Variants in THADA observed in about 807,000 individuals in gnomAD.
THADA encodes THADA armadillo repeat containing.
Under a neutral mutation model 219.8 loss-of-function variants are expected in THADA, and 213 were observed. The ratio of observed to expected loss-of-function variants is 0.97; its 90% confidence interval spans 0.87 to 1.09. THADA has a LOEUF of 1.09. THADA is among the 50% of genes least tolerant of loss of function. The pLI is 0.00. For synonymous variants in THADA, 1,018 were observed against 828.9 expected, an observed-to-expected ratio of 1.23 and a Z score of -3.92; for missense variants, 2,956 against 2,311.3, an observed-to-expected ratio of 1.28 and a Z score of -5.72.
chr2:43,428,211 C>A lies in THADA; in HGVS notation c.3947G>T (p.Arg1316Leu), dbSNP rs200421057. The A allele has an allele frequency of 1.4e-5, 22 of 1,600,694 alleles. No homozygotes were observed. In the East Asian group the frequency reaches 4.7e-4, roughly 34 times the overall value. Residue 1316 changes from arginine to leucine, a missense_variant, in exon 28 of 38, where the codon CGT (arginine) becomes CTT (leucine). Transcript: ENST00000405975. ...AAGTAAGAGAAACATGCTTGGATGA[C>A]GATTTGGTTCTCCCATATCACTGAA... ...TVDSDMGEPNRHPSMFLLLLV... is the reference protein window; with the variant it reads ...TVDSDMGEPNLHPSMFLLLLV...
intron 21 of THADA, among the ~76,000 whole-genome samples, chr2:43,536,543 TCTTAA>T (rs1182326890): frequency 1.3e-5 from 2 of 152,172 alleles, no homozygotes; most frequent in South Asian, 2.1e-4. Flanking sequence ...CATATCCTGC[TCTTAA>T]CTTTTCATAA....
intron 25 of THADA, among the ~76,000 whole-genome samples, chr2:43,488,481 G>C (rs1278956467): frequency 6.6e-6 from 1 of 151,962 alleles, no homozygotes; most frequent in African/African-American, 2.4e-5. Context: ...TGTTCTCAAG[G>C]TTCCCCCATG....
intron 15 of THADA, among the ~76,000 whole-genome samples, chr2:43,561,732 C>CT (rs201237134): frequency 6.6e-5 from 10 of 151,634 alleles, no homozygotes; most frequent in African/African-American, 9.7e-5. Flanking sequence ...AATCTCACTG[C>CT]TTTTTATTTT....
chr2:43,276,224 G>A (rs1672709863), intron 36 of THADA, among the ~76,000 whole-genome samples: 1 of 152,166 alleles, frequency 6.6e-6, no homozygotes, highest in East Asian at 1.9e-4. Flanking sequence ...TACAGAGTGG[G>A]GAGGGAGGGG....
chr2:43,394,937 T>G (rs75525422), intron 29 of THADA, among the ~76,000 whole-genome samples: 766 of 152,364 alleles, frequency 5.0e-3, no homozygotes, highest in Non-Finnish European at 8.6e-3. Flanking sequence ...CCCAGGGTTC[T>G]AGGGTTTTAA....
intron 25 of THADA, among the ~76,000 whole-genome samples, chr2:43,487,334 A>T (rs1444748869): frequency 6.6e-6 from 1 of 152,200 alleles, no homozygotes; most frequent in Non-Finnish European, 1.5e-5. Context: ...GCCCTAAGCC[A>T]TACTTTCTGA....
At chr2:43,554,625 T>C (rs1199234649) in intron 17 of THADA, among the ~76,000 whole-genome samples, 1 of 152,160 alleles carries the variant, frequency 6.6e-6, no homozygotes, top group Admixed American at 6.5e-5. Flanking sequence ...TTTTATATTA[T>C]ATAAATTTTT....
At chr2:43,292,708 C>T (rs983725561) in intron 32 of THADA, 126 bp downstream of exon 32, 18 of 1,215,242 alleles carry the variant, frequency 1.5e-5, no homozygotes, top group East Asian at 4.7e-5. Context: ...CACTGGCTGC[C>T]GAATCTACTT....
At chr2:43,532,064 T>C (rs1318578420) in intron 21 of THADA, among the ~76,000 whole-genome samples, 6 of 151,744 alleles carry the variant, frequency 4.0e-5, no homozygotes, top group Non-Finnish European at 7.4e-5. Context: ...CTGAATTCTG[T>C]TCTGGAGCCC....
intron 17 of THADA, among the ~76,000 whole-genome samples, chr2:43,553,812 T>A (rs1697026457): frequency 2.0e-5 from 3 of 152,228 alleles, no homozygotes; most frequent in African/African-American, 7.2e-5. Context: ...ATAGTCATCC[T>A]ATGGGATGTG....
intron 32 of THADA, 52 bp from the exon 33 acceptor site, chr2:43,292,274 T>A: frequency 8.9e-7 from 1 of 1,125,458 alleles, no homozygotes; most frequent in Admixed American, 2.6e-5. Flanking sequence ...CTCAGGGAGA[T>A]GTCTCTAGAT....
chr2:43,356,820 T>G (rs948602048), intron 29 of THADA, among the ~76,000 whole-genome samples: 1 of 152,216 alleles, frequency 6.6e-6, no homozygotes, highest in Non-Finnish European at 1.5e-5. Flanking sequence ...AATTACTCAC[T>G]AATGGGATGT....
intron 36 of THADA, among the ~76,000 whole-genome samples, chr2:43,236,488 G>C: frequency 6.6e-6 from 1 of 152,178 alleles, no homozygotes; most frequent in East Asian, 1.9e-4. Context: ...ATGCAGGCCA[G>C]CTAGGCTCTT....
chr2:43,572,497 G>A (rs986250893), intron 12 of THADA, among the ~76,000 whole-genome samples: 3 of 152,124 alleles, frequency 2.0e-5, no homozygotes, highest in African/African-American at 7.2e-5. Flanking sequence ...AGCACCACCT[G>A]CTCTGATCAG....
At chr2:43,368,612 G>C (rs559869493) in intron 29 of THADA, among the ~76,000 whole-genome samples, 1 of 151,442 alleles carries the variant, frequency 6.6e-6, no homozygotes, top group African/African-American at 2.4e-5. Context: ...TTCCCAGGTT[G>C]GTCTGGAACT....
At chr2:43,391,160 A>G (rs149903211) in intron 29 of THADA, among the ~76,000 whole-genome samples, 4 of 152,238 alleles carry the variant, frequency 2.6e-5, no homozygotes, top group Non-Finnish European at 4.4e-5. Context: ...ACTCACACAC[A>G]TACATCACAT....
intron 20 of THADA, among the ~76,000 whole-genome samples, chr2:43,547,452 C>T (rs1019647486): frequency 1.3e-5 from 2 of 152,202 alleles, no homozygotes; most frequent in African/African-American, 4.8e-5. Context: ...GGATAATATC[C>T]TGCAGTGTTT....
chr2:43,407,256 AC>A (rs1409209530), intron 28 of THADA, among the ~76,000 whole-genome samples: 2 of 152,210 alleles, frequency 1.3e-5, no homozygotes, highest in African/African-American at 4.8e-5. Context: ...TCATTTTAAG[AC>A]ACTACACAAA....
intron 24 of THADA, among the ~76,000 whole-genome samples, chr2:43,501,303 A>C (rs1464552133): frequency 8.1e-6 from 1 of 123,536 alleles, no homozygotes; most frequent in African/African-American, 3.2e-5. Flanking sequence ...CGAAACTCCA[A>C]CTCCAAAAAA....
Sources: gnomAD v4.1 joint callset for allele counts (sites outside exome capture counted in the v4.1 genomes callset) on GRCh38, gnomAD v4.1.1 for gene constraint, MANE v1.5 for transcripts, NCBI Gene and HGNC (gene_info 2026-07-23, HGNC 2026-07-21) for gene names.